The following HIVEP3 variants were observed in gnomAD, a reference collection of about 807,000 sequenced individuals.
HIVEP3 encodes the protein transcription factor HIVEP3.
In HIVEP3, 49 loss-of-function variants were observed where a neutral mutation model predicts 152.8. That is an observed-to-expected ratio of 0.32 (90% CI 0.26 to 0.41). HIVEP3 has a LOEUF of 0.41. HIVEP3 is among the 10% of genes least tolerant of loss of function. HIVEP3 has a pLI of 1.00. For synonymous variants in HIVEP3, 1,269 were observed against 1,289.0 expected (o/e 0.98, Z 0.33); for missense variants, 2,790 against 3,103.3 (o/e 0.90, Z 2.40).
At chr1:41,880,733 A>G (rs1644248153) in intron 1 of HIVEP3, among the ~76,000 whole-genome samples, 1 of 152,190 alleles carries the variant, frequency 6.6e-6, no homozygotes, top group African/African-American at 2.4e-5. Flanking sequence ...ATGACAGAGG[A>G]GTCTGACCTC....
intron 1 of HIVEP3, among the ~76,000 whole-genome samples, chr1:41,805,242 C>T (rs529572493): frequency 6.6e-6 from 1 of 152,198 alleles, no homozygotes; most frequent in Non-Finnish European, 1.5e-5. Flanking sequence ...GAGACTGAGG[C>T]AGGAGAATTG....
At chr1:41,749,050 T>C (rs1391038557) in intron 1 of HIVEP3, among the ~76,000 whole-genome samples, 1 of 152,190 alleles carries the variant, frequency 6.6e-6, no homozygotes, top group African/African-American at 2.4e-5. Flanking sequence ...CACTTGTCTC[T>C]CTCTTGTCCA....
intron 5 of HIVEP3, among the ~76,000 whole-genome samples, chr1:41,565,527 G>C (rs1644147420): frequency 7.3e-6 from 1 of 137,276 alleles, no homozygotes; most frequent in African/African-American, 2.6e-5. Context: ...AAAACTGAAA[G>C]ACACACACAC....
intron 1 of HIVEP3, among the ~76,000 whole-genome samples, chr1:41,952,885 T>C (rs1279205940): frequency 2.0e-5 from 3 of 152,180 alleles, no homozygotes; most frequent in Non-Finnish European, 4.4e-5. Context: ...ATCATTCCCC[T>C]CTTTTCTTAG....
At chr1:41,806,725 G>A (rs1570578603) in intron 1 of HIVEP3, among the ~76,000 whole-genome samples, 2 of 152,214 alleles carry the variant, frequency 1.3e-5, no homozygotes, top group Non-Finnish European at 2.9e-5. Flanking sequence ...GCCTTGGAAG[G>A]CGCAGGGCCG....
At chr1:41,708,704 T>A (rs1646469699) in intron 1 of HIVEP3, among the ~76,000 whole-genome samples, 1 of 152,240 alleles carries the variant, frequency 6.6e-6, no homozygotes, top group Admixed American at 6.5e-5. Flanking sequence ...TTGCTTACAC[T>A]GAAGAGCCCT....
chr1:41,976,299 C>T (rs764058050), intron 1 of HIVEP3, among the ~76,000 whole-genome samples: 4 of 152,132 alleles, frequency 2.6e-5, no homozygotes, highest in South Asian at 2.1e-4. Flanking sequence ...TCTCCTGAGA[C>T]GGAGTACTTT....
intron 6 of HIVEP3, among the ~76,000 whole-genome samples, chr1:41,522,463 G>C (rs2149051322): frequency 6.6e-6 from 1 of 152,338 alleles, no homozygotes; most frequent in South Asian, 2.1e-4. Context: ...AAGAGCTCAG[G>C]GCACTGCTTG....
intron 3 of HIVEP3, among the ~76,000 whole-genome samples, chr1:41,622,931 G>C (rs577293425): frequency 6.6e-6 from 1 of 152,350 alleles, no homozygotes; most frequent in Non-Finnish European, 1.5e-5. Flanking sequence ...CATTTAATCT[G>C]CAGAGTAACT....
At chr1:41,729,744 G>T (rs1033301408) in intron 1 of HIVEP3, among the ~76,000 whole-genome samples, 3 of 152,184 alleles carry the variant, frequency 2.0e-5, no homozygotes, top group African/African-American at 7.2e-5. Flanking sequence ...ATGTGTCCTT[G>T]TTCCTCTAGT....
At chr1:41,801,408 T>C (rs1650294973) in intron 1 of HIVEP3, among the ~76,000 whole-genome samples, 1 of 152,092 alleles carries the variant, frequency 6.6e-6, no homozygotes, top group South Asian at 2.1e-4. Context: ...CTAGGTTGAG[T>C]TAATTGGGAA....
At chr1:41,933,118 T>C (rs1326423724) in intron 1 of HIVEP3, among the ~76,000 whole-genome samples, 20 of 152,066 alleles carry the variant, frequency 1.3e-4, no homozygotes, top group Admixed American at 1.3e-3. Context: ...GAATGTTTCA[T>C]GTGCACTTTA....
chr1:41,512,002 T>C (rs1642436999), intron 8 of HIVEP3, among the ~76,000 whole-genome samples: 1 of 152,042 alleles, frequency 6.6e-6, no homozygotes, highest in South Asian at 2.1e-4. Context: ...CTGAGAGCAC[T>C]GGTGACAGTG....
At chr1:41,818,042 A>G (rs1214162611) in intron 1 of HIVEP3, among the ~76,000 whole-genome samples, 1 of 152,186 alleles carries the variant, frequency 6.6e-6, no homozygotes, top group African/African-American at 2.4e-5. Context: ...GCATATGAAG[A>G]CTGGGAGAAG....
intron 1 of HIVEP3, among the ~76,000 whole-genome samples, chr1:41,995,025 C>G (rs972887279): frequency 6.6e-6 from 1 of 151,710 alleles, no homozygotes; most frequent in Non-Finnish European, 1.5e-5. Flanking sequence ...GTCTAAGATA[C>G]AGAGAGGAAA....
At chr1:41,767,908 T>A (rs1648113215) in intron 1 of HIVEP3, among the ~76,000 whole-genome samples, 2 of 152,264 alleles carry the variant, frequency 1.3e-5, no homozygotes, top group African/African-American at 4.8e-5. Flanking sequence ...AGGATTCATT[T>A]TTACCTCGTT....
intron 1 of HIVEP3, among the ~76,000 whole-genome samples, chr1:41,733,985 C>T (rs1646879820): frequency 6.6e-6 from 1 of 152,152 alleles, no homozygotes; most frequent in South Asian, 2.1e-4. Flanking sequence ...AGTCCCCACT[C>T]CCTGGTCCAT....
rs182202359 is a variant in HIVEP3, at chr1:41,815,639, C to A, written c.-801+102774G>T. On this transcript the variant is annotated intron_variant, in intron 1 of 8. Transcript: ENST00000372583. ...AGGGAGGCTGACCCATAACAGGCCT[C>A]AGAGGCCCATGGAGGAGGCTTAGCT... Among the ~76,000 whole-genome samples, 238 of 152,084 alleles carry A rather than the reference C, an allele frequency of 1.6e-3. 1 individual carries two copies. Among genetic ancestry groups the A allele is most frequent in the African/African-American group, 5.3e-3 (221 of 41,472 alleles).
intron 5 of HIVEP3, among the ~76,000 whole-genome samples, chr1:41,532,125 G>A (rs1324316983): frequency 7.3e-6 from 1 of 136,386 alleles, no homozygotes; most frequent in Non-Finnish European, 1.6e-5. Context: ...TGGAGGACAG[G>A]GGAGATGGAG....
Sources: gnomAD v4.1 joint callset for allele counts (sites outside exome capture counted in the v4.1 genomes callset) on GRCh38, gnomAD v4.1.1 for gene constraint, MANE v1.5 for transcripts, NCBI Gene and HGNC (gene_info 2026-07-23, HGNC 2026-07-21) for gene names.